Variants in TMEM117 observed in about 807,000 individuals in gnomAD.
TMEM117 encodes the protein transmembrane protein 117.
Under a neutral mutation model 52.4 loss-of-function variants are expected in TMEM117, and 27 were observed. That is an observed-to-expected ratio of 0.51 (90% CI 0.38 to 0.71). The LOEUF is 0.71. Ranked by LOEUF, TMEM117 falls within the 30% of genes least tolerant of loss-of-function variation. TMEM117 has a pLI of 0.00. For missense variants in TMEM117, 556 were observed against 630.5 expected, an observed-to-expected ratio of 0.88 and a Z score of 1.26; for synonymous variants, 215 against 206.3, an observed-to-expected ratio of 1.04 and a Z score of -0.36.
intron 2 of TMEM117, among the ~76,000 whole-genome samples, chr12:43,850,933 G>T (rs377757693): frequency 1.3e-5 from 2 of 152,124 alleles, no homozygotes; most frequent in African/African-American, 4.8e-5. Flanking sequence ...TGCTAATGAC[G>T]AGCACAGAAA....
intron 3 of TMEM117, among the ~76,000 whole-genome samples, chr12:43,962,512 A>G (rs1945419331): frequency 6.6e-6 from 1 of 152,248 alleles, no homozygotes; most frequent in Admixed American, 6.5e-5. Context: ...TATGTCATTT[A>G]CAATAGAAGA....
chr12:43,969,992 T>C (rs1388532975), intron 3 of TMEM117, among the ~76,000 whole-genome samples: 3 of 152,200 alleles, frequency 2.0e-5, no homozygotes, highest in Non-Finnish European at 2.9e-5. Context: ...GAATATTAAA[T>C]GGAAAGTTCC....
chr12:44,269,886 A>G (rs1039859470), intron 5 of TMEM117, among the ~76,000 whole-genome samples: 21 of 152,126 alleles, frequency 1.4e-4, no homozygotes, highest in African/African-American at 5.1e-4. Flanking sequence ...TCATCTCTGG[A>G]TAAAAAGAAA....
At chr12:44,181,170 C>T (rs1394472814) in intron 4 of TMEM117, among the ~76,000 whole-genome samples, 2 of 149,836 alleles carry the variant, frequency 1.3e-5, no homozygotes, top group Non-Finnish European at 3.0e-5. Flanking sequence ...AGTGTCTGTT[C>T]ATGTCCTTTG....
chr12:44,114,677 G>T (rs1948105129), intron 3 of TMEM117, among the ~76,000 whole-genome samples: 1 of 152,116 alleles, frequency 6.6e-6, no homozygotes, highest in South Asian at 2.1e-4. Context: ...CCTCCATCAA[G>T]ACAAACTTCT....
chr12:44,314,947 T>G (rs771450690), intron 6 of TMEM117, among the ~76,000 whole-genome samples: 7 of 152,210 alleles, frequency 4.6e-5, no homozygotes, highest in Non-Finnish European at 8.8e-5. Context: ...GGTATTGGTA[T>G]GTTCAATGTT....
At chr12:43,913,183 C>G (rs1270263455) in intron 2 of TMEM117, among the ~76,000 whole-genome samples, 1 of 152,152 alleles carries the variant, frequency 6.6e-6, no homozygotes, top group Non-Finnish European at 1.5e-5. Context: ...TCTGGAAGCT[C>G]ATTCATGAAC....
At chr12:44,279,964 T>C (rs889767087) in intron 5 of TMEM117, among the ~76,000 whole-genome samples, 1 of 152,236 alleles carries the variant, frequency 6.6e-6, no homozygotes, top group African/African-American at 2.4e-5. Flanking sequence ...AGATTTTTAC[T>C]GGTTTTCTCT....
intron 4 of TMEM117, among the ~76,000 whole-genome samples, chr12:44,183,989 C>T (rs545013906): frequency 6.6e-6 from 1 of 152,158 alleles, no homozygotes; most frequent in Admixed American, 6.5e-5. Flanking sequence ...AAACACCAAT[C>T]TAGATACTGC....
At chr12:43,797,918 G>A in the TMEM117 span, 6 of 1,405,068 alleles carry the variant, frequency 4.3e-6, no homozygotes, top group Middle Eastern at 1.8e-4. Context: ...CTATAAAATA[G>A]TATCATTCAA....
intron 6 of TMEM117, among the ~76,000 whole-genome samples, chr12:44,367,627 G>A (rs1951806744): frequency 6.6e-6 from 1 of 151,986 alleles, no homozygotes; most frequent in Non-Finnish European, 1.5e-5. Context: ...TCAATAGACT[G>A]GTGAGTCCAC....
At chr12:44,272,361 A>C (rs1383514897) in intron 5 of TMEM117, among the ~76,000 whole-genome samples, 10 of 152,188 alleles carry the variant, frequency 6.6e-5, no homozygotes, top group Admixed American at 2.6e-4. Context: ...ACAAAAGCCA[A>C]AATTGACAAA....
chr12:44,279,639 G>T (rs1452427071), intron 5 of TMEM117, among the ~76,000 whole-genome samples: 1 of 151,344 alleles, frequency 6.6e-6, no homozygotes, highest in Non-Finnish European at 1.5e-5. Context: ...TCAGCCTCCT[G>T]AGAAGCTGAG....
chr12:43,935,000 G>GT (rs958086866), intron 2 of TMEM117, among the ~76,000 whole-genome samples: 10 of 151,964 alleles, frequency 6.6e-5, no homozygotes, highest in African/African-American at 2.4e-4. Context: ...TTCTGTTACC[G>GT]TTTTTTATTT....
At chr12:43,922,933 CT>C (rs1944719140) in intron 2 of TMEM117, among the ~76,000 whole-genome samples, 1 of 152,102 alleles carries the variant, frequency 6.6e-6, no homozygotes, top group Non-Finnish European at 1.5e-5. Flanking sequence ...AGACTGTATA[CT>C]GGAGAATCTG....
chr12:44,172,626 T>C (rs1490853871), intron 4 of TMEM117, among the ~76,000 whole-genome samples: 4 of 152,228 alleles, frequency 2.6e-5, no homozygotes, highest in Non-Finnish European at 5.9e-5. Context: ...TTTCAATATA[T>C]ACTTTTCAGG....
intron 2 of TMEM117, among the ~76,000 whole-genome samples, chr12:43,888,538 G>GTTT (rs1944040417): frequency 3.4e-5 from 4 of 118,442 alleles, no homozygotes; most frequent in African/African-American, 1.3e-4. Flanking sequence ...GTGCACATTA[G>GTTT]TTTTCTTTTT....
chr12:44,013,048 G>A (rs1436319220), intron 3 of TMEM117, among the ~76,000 whole-genome samples: 2 of 150,680 alleles, frequency 1.3e-5, no homozygotes, highest in East Asian at 1.9e-4. Flanking sequence ...TTTTAGACAG[G>A]GTCTCACTTT....
At chr12:44,253,278 G>A (rs1048837856) in intron 5 of TMEM117, among the ~76,000 whole-genome samples, 2 of 152,070 alleles carry the variant, frequency 1.3e-5, no homozygotes, top group African/African-American at 4.8e-5. Flanking sequence ...TATGTTACTG[G>A]TCCAAGAATC....
Sources: gnomAD v4.1 joint callset for allele counts (sites outside exome capture counted in the v4.1 genomes callset) on GRCh38, gnomAD v4.1.1 for gene constraint, MANE v1.5 for transcripts, NCBI Gene and HGNC (gene_info 2026-07-23, HGNC 2026-07-21) for gene names.